Variants in SHC3 observed in about 807,000 individuals in gnomAD.
SHC3 encodes SHC-transforming protein 3.
SHC3 carries 15 observed loss-of-function variants against 60.4 expected under a neutral mutation model. The ratio of observed to expected loss-of-function variants is 0.25; its 90% CI spans 0.17 to 0.38. The LOEUF is 0.38. Among genes scored for constraint, SHC3 ranks in the 10% least tolerant of loss-of-function variants. The pLI is 1.00. For missense variants in SHC3, 677 were observed against 786.1 expected (o/e 0.86, Z 1.66); for synonymous variants, 294 against 325.9 (o/e 0.90, Z 1.05).
intron 1 of SHC3, among the ~76,000 whole-genome samples, chr9:89,173,439 C>T (rs1470829428): frequency 6.6e-6 from 1 of 152,236 alleles, no homozygotes; most frequent in Non-Finnish European, 1.5e-5. Flanking sequence ...AAAGGTAAGA[C>T]ACCGTGCGGA....
intron 11 of SHC3, among the ~76,000 whole-genome samples, chr9:89,014,087 C>A (rs1013714004): frequency 6.6e-6 from 1 of 152,204 alleles, no homozygotes; most frequent in Non-Finnish European, 1.5e-5. Context: ...ACATCCTGGG[C>A]ACCCACCAGG....
At chr9:89,133,562 C>T (rs1443056161) in intron 1 of SHC3, among the ~76,000 whole-genome samples, 1 of 152,188 alleles carries the variant, frequency 6.6e-6, no homozygotes, top group Non-Finnish European at 1.5e-5. Context: ...ACATATACAT[C>T]ATGGAATACT....
chr9:89,113,896 A>G (rs1187558789), intron 1 of SHC3, among the ~76,000 whole-genome samples: 3 of 152,218 alleles, frequency 2.0e-5, no homozygotes, highest in Non-Finnish European at 4.4e-5. Context: ...GGCTACCATC[A>G]ACATTGCAGA....
chr9:89,173,214 A>C (rs1826895069), intron 1 of SHC3, among the ~76,000 whole-genome samples: 1 of 152,202 alleles, frequency 6.6e-6, no homozygotes, highest in Non-Finnish European at 1.5e-5. Context: ...TCACCAGTCC[A>C]GGACCTTCAC....
chr9:89,119,689 G>A (rs1409043396), intron 1 of SHC3, among the ~76,000 whole-genome samples: 3 of 152,148 alleles, frequency 2.0e-5, no homozygotes, highest in Non-Finnish European at 4.4e-5. Flanking sequence ...TAGAAAACAT[G>A]CCAATTCTTC....
intron 2 of SHC3, among the ~76,000 whole-genome samples, chr9:89,091,128 A>C (rs1825615094): frequency 6.6e-6 from 1 of 152,270 alleles, no homozygotes; most frequent in Non-Finnish European, 1.5e-5. Flanking sequence ...TAATTGAATT[A>C]TAATTGTCAT....
chr9:89,162,980 AAC>A (rs1169818387), intron 1 of SHC3, among the ~76,000 whole-genome samples: 1 of 138,580 alleles, frequency 7.2e-6, no homozygotes, highest in Non-Finnish European at 1.6e-5. Context: ...GCAGCCAAAA[AAC>A]ACATGAAAAA....
At chr9:89,168,874 T>A (rs1826828285) in intron 1 of SHC3, among the ~76,000 whole-genome samples, 2 of 152,216 alleles carry the variant, frequency 1.3e-5, no homozygotes, top group African/African-American at 4.8e-5. Flanking sequence ...CTCCCCTGGA[T>A]AGGAGAGAAT....
intron 6 of SHC3, among the ~76,000 whole-genome samples, chr9:89,063,331 T>A (rs1233997446): frequency 2.0e-5 from 3 of 152,222 alleles, no homozygotes; most frequent in Admixed American, 2.0e-4. Context: ...GGTTTCACCA[T>A]GTCGGCCAGG....
chr9:89,077,859 C>G lies in SHC3; in HGVS notation c.590G>C (p.Gly197Ala), dbSNP rs1825384372. The stretch of plus-strand genomic sequence containing the variant: ...CAGTACCTTTCTCTTCTTGAAGGCT[C>G]CCTTCGCACCAGGCACAGCTTCACA... ...RVCEAVPGAK[G>A]AFKKRKPPSK... The change falls in exon 3 of 12, where the codon GGA becomes GCA. Residue 197 changes from glycine to alanine, a missense_variant. By Grantham distance (60) the Gly-to-Ala change is moderately conservative. Transcript: ENST00000375835. The G allele has an allele frequency of 5.0e-6, 8 of 1,614,214 alleles. No homozygotes were observed. Among genetic ancestry groups the G allele is most frequent in the Non-Finnish European group, 6.8e-6 (8 of 1,180,036 alleles).
chr9:89,031,443 G>A (rs767142500), intron 11 of SHC3, among the ~76,000 whole-genome samples: 83 of 152,086 alleles, frequency 5.5e-4, no homozygotes, highest in African/African-American at 1.9e-3. Context: ...ATCTATTTTC[G>A]GTCTCTGTAG....
intron 1 of SHC3, among the ~76,000 whole-genome samples, chr9:89,174,821 G>A (rs1397273065): frequency 6.6e-6 from 1 of 152,184 alleles, no homozygotes; most frequent in Admixed American, 6.5e-5. Context: ...TGGCCCACTG[G>A]CTCTTTAAAA....
chr9:89,134,880 T>C (rs1023062299), intron 1 of SHC3, among the ~76,000 whole-genome samples: 23 of 152,160 alleles, frequency 1.5e-4, no homozygotes, highest in African/African-American at 4.3e-4. Flanking sequence ...AAGTAATCTT[T>C]CTGACTTTTG....
intron 1 of SHC3, among the ~76,000 whole-genome samples, chr9:89,119,046 G>C (rs1480564042): frequency 6.6e-6 from 1 of 152,142 alleles, no homozygotes. Context: ...ACGATGGCCA[G>C]GAGAGGTGGG....
chr9:89,107,395 C>T (rs1415256209), intron 2 of SHC3, among the ~76,000 whole-genome samples: 2 of 152,196 alleles, frequency 1.3e-5, no homozygotes, highest in South Asian at 2.1e-4. Flanking sequence ...CATTTTTGCA[C>T]ACAAATGCCC....
chr9:89,123,320 C>T (rs183459117), intron 1 of SHC3, among the ~76,000 whole-genome samples: 1 of 152,296 alleles, frequency 6.6e-6, no homozygotes, highest in East Asian at 1.9e-4. Flanking sequence ...ATTGGACCTC[C>T]ATGGTGTGAT....
rs559547822 is a variant in SHC3, at chr9:89,126,947, TTC to T, written c.475-14323_475-14322del. 4.0e-3 allele frequency among the ~76,000 whole-genome samples: 611 copies of T among 152,294 alleles called. 6 individuals carry two copies. The highest frequency in any genetic ancestry group is 0.014 in the African/African-American group (592 of 41,564). On this transcript the variant is annotated intron_variant, in intron 1 of 11. Transcript: ENST00000375835. ...GACCTTGTAACCATGTGGTGGTACT[TTC>T]TCTTAGTCTCTGCCATCCAGGGAAC...
chr9:89,169,044 C>T (rs905596907), intron 1 of SHC3, among the ~76,000 whole-genome samples: 2 of 152,210 alleles, frequency 1.3e-5, no homozygotes, highest in Non-Finnish European at 2.9e-5. Flanking sequence ...GATCTTGGGA[C>T]TTGCCTGCCT....
intron 1 of SHC3, among the ~76,000 whole-genome samples, chr9:89,119,056 G>T (rs1263096975): frequency 6.6e-6 from 1 of 152,148 alleles, no homozygotes; most frequent in Non-Finnish European, 1.5e-5. Flanking sequence ...GGAGAGGTGG[G>T]AGAAGAAAAG....
Sources: allele counts gnomAD v4.1 joint callset (sites outside exome capture counted in the v4.1 genomes callset), GRCh38; gene constraint gnomAD v4.1.1; transcripts MANE v1.5; gene names NCBI Gene and HGNC (gene_info 2026-07-23, HGNC 2026-07-21).